Variants in BID observed in about 807,000 individuals in gnomAD.
BID encodes the protein BH3 interacting domain death agonist, also known as BH3-interacting domain death agonist.
A neutral mutation model predicts 17.4 loss-of-function variants in BID; 19 were observed. The ratio of observed to expected loss-of-function variants is 1.09; its 90% CI spans 0.76 to 1.60. The LOEUF (loss-of-function observed/expected upper bound fraction) is 1.60, where lower values mean the gene tolerates loss of function less well. Among genes scored for constraint, BID ranks in the 40% most tolerant of loss-of-function variants. The pLI is 0.00. For synonymous variants in BID, 108 were observed against 102.8 expected (o/e 1.05, Z -0.31); for missense variants, 226 against 256.0 (o/e 0.88, Z 0.80).
chr22:17,740,036 C>T (rs1325777364), intron 3 of BID: 3 of 1,583,540 alleles, frequency 1.9e-6, no homozygotes, highest in South Asian at 2.3e-5. Flanking sequence ...GCCCCTCAGT[C>T]CTCCTCCTCT....
intron 3 of BID, chr22:17,740,237 A>G: frequency 6.8e-7 from 1 of 1,474,352 alleles, no homozygotes. Context: ...TCCACTGACA[A>G]ATACCCAGCA....
At chr22:17,736,960 CA>C (rs1569036430) in intron 5 of BID, among the ~76,000 whole-genome samples, 1 of 151,606 alleles carries the variant, frequency 6.6e-6, no homozygotes, top group African/African-American at 2.4e-5. Flanking sequence ...CCCGCCACCA[CA>C]CCCAGCTAAT....
In BID at chr22:17,773,496, G is replaced by A. The variant is rs1417962222; in HGVS notation, c.-59+885C>T. On this transcript the variant is annotated intron_variant, in intron 1 of 5. Transcript: ENST00000622694. This position sits in a 1 kb window ranked among gnomAD's most constrained non-coding sequence, Gnocchi z 4.4. ...ATAAGGCTCCAGGAAGGGGGTGCAA[G>A]CCTGAGAAGGTGGAAGAGCTCTGGG... 4 of 1,089,472 alleles carry A rather than the reference G, an allele frequency of 3.7e-6. No homozygotes were observed. Among genetic ancestry groups the A allele is most frequent in the Non-Finnish European group, 2.7e-6 (2 of 731,764 alleles). 67.5% of individuals were successfully genotyped at this position (1,089,472 alleles called of 1,614,324 possible). A position where few individuals can be genotyped will look rare whatever the true frequency, so the allele number is the denominator to read the frequency against.
At chr22:17,771,394 C>T (rs531212957) in intron 1 of BID, among the ~76,000 whole-genome samples, 46 of 152,222 alleles carry the variant, frequency 3.0e-4, no homozygotes, top group African/African-American at 6.0e-4. Flanking sequence ...CCACCGCGCC[C>T]GGCTGGTCTT....
intron 1 of BID, among the ~76,000 whole-genome samples, chr22:17,771,365 C>T (rs1365093597): frequency 1.3e-5 from 2 of 152,194 alleles, no homozygotes; most frequent in East Asian, 1.9e-4. Flanking sequence ...TCCCAAAGTG[C>T]TGGGATTACA....
At chr22:17,764,303 C>G (rs1601876782) in intron 1 of BID, 1 of 154,560 alleles carries the variant, frequency 6.5e-6, no homozygotes. Flanking sequence ...GCAGCCAGGA[C>G]CTTGTGCTTT....
rs772373402 is a variant in BID at position 17,773,738 on chromosome 22, G to T, written c.-59+643C>A. On this transcript the variant is annotated intron_variant, in intron 1 of 5. Transcript: ENST00000622694. This position sits in a 1 kb window ranked among gnomAD's most constrained non-coding sequence, Gnocchi z 4.4. ...GAACCCTTGCCAGCCCAGCCACTTG[G>T]TGGCTGAGGGCTTCAGAGCTCTCCC... is the stretch of plus-strand genomic sequence containing the variant. 1.3e-6 allele frequency: 2 copies of T among 1,577,246 alleles called. No individual in the cohort carries two copies. The highest frequency in any genetic ancestry group is 1.7e-6 in the Non-Finnish European group (2 of 1,160,830).
rs2061706172 is a variant in BID at position 17,769,800 on chromosome 22, C to T, written c.-59+4581G>A. On this transcript the variant is annotated intron_variant, in intron 1 of 5. Coordinates refer to ENST00000622694, the MANE Select transcript of BID (RefSeq NM_001196.4). This position sits in a 1 kb window ranked among gnomAD's most constrained non-coding sequence, Gnocchi z 4.8. The stretch of plus-strand genomic sequence containing the variant: ...GTTCCCAGCTGAACCCAGGAGGCAC[C>T]CACCTTCCTGTCTCTAGGCAGATGC... 6.6e-6 allele frequency among the ~76,000 whole-genome samples: 1 copy of T among 152,138 alleles called. No individual in the cohort carries two copies. Among genetic ancestry groups the T allele is most frequent in the Non-Finnish European group, 1.5e-5 (1 of 68,022 alleles).
intron 1 of BID, among the ~76,000 whole-genome samples, chr22:17,758,686 T>C (rs2061611858): frequency 6.6e-6 from 1 of 151,932 alleles, no homozygotes; most frequent in African/African-American, 2.4e-5. Context: ...CTCCAAGGGG[T>C]GCCCAGAGTA....
intron 1 of BID, among the ~76,000 whole-genome samples, chr22:17,757,864 G>C (rs1310314777): frequency 6.6e-6 from 1 of 152,234 alleles, no homozygotes; most frequent in Non-Finnish European, 1.5e-5. Context: ...TTGCCTGGGA[G>C]AGGCTCCAAG....
chr22:17,739,321 C>A, intron 4 of BID, 28 bp downstream of exon 4: 1 of 1,536,910 alleles, frequency 6.5e-7, no homozygotes. Context: ...CACTTGCCCG[C>A]CCACGCGGTC....
intron 1 of BID, among the ~76,000 whole-genome samples, chr22:17,772,979 C>T (rs1432279720): frequency 6.6e-6 from 1 of 152,186 alleles, no homozygotes; most frequent in Non-Finnish European, 1.5e-5. Context: ...GCCCCAGCCA[C>T]GGCAGGTCTC....
At chr22:17,757,441 G>A (rs1440261393) in intron 1 of BID, among the ~76,000 whole-genome samples, 1 of 144,144 alleles carries the variant, frequency 6.9e-6, no homozygotes, top group Non-Finnish European at 1.5e-5. Context: ...AGGCGCAGTC[G>A]CTCATGCCTG....
chr22:17,737,508 G>A (rs1033320144), intron 5 of BID, among the ~76,000 whole-genome samples: 18 of 152,030 alleles, frequency 1.2e-4, no homozygotes, highest in African/African-American at 3.6e-4. Flanking sequence ...CACCATGCCC[G>A]GCTAATTTTT....
intron 2 of BID, among the ~76,000 whole-genome samples, chr22:17,748,596 A>G (rs1223400553): frequency 1.3e-5 from 2 of 152,252 alleles, no homozygotes; most frequent in Non-Finnish European, 2.9e-5. Context: ...TTGAAAAGAA[A>G]GTTTCGGAGT....
In BID at chr22:17,738,161, C is replaced by T; in HGVS notation, c.432G>A (p.Lys144=). 1.2e-6 allele frequency: 2 copies of T among 1,613,684 alleles called. No homozygotes were observed. Among genetic ancestry groups the T allele is most frequent in the Non-Finnish European group, 8.5e-7 (1 of 1,180,030 alleles). Residue 144 remains lysine, a synonymous_variant, in exon 5 of 6, where the codon AAG becomes AAA. Coordinates refer to ENST00000622694, the MANE Select transcript of BID (RefSeq NM_001196.4). ...LLQAYPRDME[K]EKTMLVLALL... The stretch of plus-strand genomic sequence containing the variant: ...GGGCCAGCACCAGCATGGTCTTCTC[C>T]TTCTCCATGTCTCTAGGGTAGGCCT...
chr22:17,760,970 C>G (rs1413694883), intron 1 of BID, among the ~76,000 whole-genome samples: 1 of 152,200 alleles, frequency 6.6e-6, no homozygotes, highest in Non-Finnish European at 1.5e-5. Flanking sequence ...CCGCCAAGCC[C>G]AGAACTTCTG....
intron 3 of BID, among the ~76,000 whole-genome samples, chr22:17,743,528 AC>A (rs2061474697): frequency 6.6e-6 from 1 of 152,264 alleles, no homozygotes; most frequent in South Asian, 2.1e-4. Context: ...GTTGGTCCAG[AC>A]AAGGGACTCA....
intron 1 of BID, among the ~76,000 whole-genome samples, chr22:17,770,625 T>C (rs925341696): frequency 2.6e-4 from 40 of 152,336 alleles, no homozygotes; most frequent in African/African-American, 8.9e-4. Context: ...ACTGCCAGCC[T>C]TGGATGAAAG....
Sources: allele counts gnomAD v4.1 joint callset (sites outside exome capture counted in the v4.1 genomes callset), GRCh38; gene constraint gnomAD v4.1.1; non-coding constraint Gnocchi (gnomAD v3.1); transcripts MANE v1.5; gene names NCBI Gene and HGNC (gene_info 2026-07-23, HGNC 2026-07-21).